Variants in ABCA1 observed in about 807,000 individuals in gnomAD.
ABCA1 encodes the protein ATP binding cassette subfamily A member 1.
Under a neutral mutation model 262.5 loss-of-function variants are expected in ABCA1, and 133 were observed. The ratio of observed to expected loss-of-function variants is 0.51; its 90% CI spans 0.44 to 0.59. ABCA1 has a LOEUF of 0.59. ABCA1 is among the 20% of genes least tolerant of loss of function. The pLI, the probability that ABCA1 is intolerant of heterozygous loss-of-function variation, is 0.00. For missense variants in ABCA1, 2,452 were observed against 2,777.5 expected, an observed-to-expected ratio of 0.88 and a Z score of 2.63; for synonymous variants, 1,022 against 1,043.5, an observed-to-expected ratio of 0.98 and a Z score of 0.40.
At chr9:104,925,449 T>C (rs1184175467) in intron 1 of ABCA1, among the ~76,000 whole-genome samples, 1 of 151,764 alleles carries the variant, frequency 6.6e-6, no homozygotes, top group African/African-American at 2.4e-5. Context: ...AGATTTCAAA[T>C]GCTCATCTGC....
chr9:104,819,635 G>A lies in ABCA1; in HGVS notation c.3192C>T (p.Asp1064=), dbSNP rs760960219. The A allele has an allele frequency of 1.9e-6, 3 of 1,614,176 alleles. No homozygotes were observed. The highest frequency in any genetic ancestry group is 1.1e-5 in the South Asian group (1 of 91,078). Residue 1064 remains aspartate, a synonymous_variant, in exon 22 of 50, where the codon GAC becomes GAT. Coordinates refer to ENST00000374736, the MANE Select transcript of ABCA1 (RefSeq NM_005502.4). The stretch of plus-strand genomic sequence containing the variant: ...CCCATATTCCCCTGCGGGAGTAAGG[G>A]TCCACACCAGCTGTGGGTTCATCCA... The part of the protein sequence containing the change: ...VILDEPTAGV[D]PYSRRGIWEL...
rs147920726 is a variant in ABCA1 at position 104,809,522 on chromosome 9, G to A, written c.4218C>T (p.Asn1406=). The A allele has an allele frequency of 5.0e-6, 8 of 1,614,212 alleles. No homozygotes were observed. The highest frequency in any genetic ancestry group is 2.2e-5 in the East Asian group (1 of 44,886). ...PEDTGTLELL[N]ALTKDPGFGT... ...CGAAGCCAGGGTCTTTGGTGAGGGC[G>A]TTTAAGAGTTCCAGGGTTCCCGTGT... The change falls in exon 30 of 50, where the codon AAC becomes AAT. Residue 1406 remains asparagine, a synonymous_variant. Transcript: ENST00000374736.
intron 2 of ABCA1, among the ~76,000 whole-genome samples, chr9:104,896,690 C>T (rs1335040614): frequency 1.4e-5 from 2 of 140,418 alleles, no homozygotes; most frequent in African/African-American, 5.3e-5. Flanking sequence ...ATGAATAACT[C>T]CAAAATTGCT....
intron 1 of ABCA1, among the ~76,000 whole-genome samples, chr9:104,906,296 C>T (rs1841128050): frequency 6.6e-6 from 1 of 152,138 alleles, no homozygotes; most frequent in Admixed American, 6.5e-5. Flanking sequence ...ATCACCTCCC[C>T]TAAACCCTGA....
intron 3 of ABCA1, among the ~76,000 whole-genome samples, chr9:104,887,796 G>A (rs902766152): frequency 1.1e-4 from 15 of 138,182 alleles, no homozygotes; most frequent in Admixed American, 4.1e-4. Flanking sequence ...GCGCAATCTC[G>A]GCTCACTGCA....
chr9:104,829,864 C>T (rs1833107693), intron 14 of ABCA1, among the ~76,000 whole-genome samples: 1 of 151,496 alleles, frequency 6.6e-6, no homozygotes, highest in Admixed American at 6.6e-5. Context: ...TATAGATAGC[C>T]ATACAAGGAA....
At chr9:104,909,892 C>T (rs1841396814) in intron 1 of ABCA1, among the ~76,000 whole-genome samples, 3 of 152,164 alleles carry the variant, frequency 2.0e-5, no homozygotes. Context: ...AACAGGAACT[C>T]CTTCCCGTGA....
chr9:104,885,501 T>G (rs554646485), intron 3 of ABCA1, among the ~76,000 whole-genome samples: 14 of 152,290 alleles, frequency 9.2e-5, no homozygotes, highest in African/African-American at 3.4e-4. Flanking sequence ...TGGGGTCTGA[T>G]GTCATCTGTG....
In ABCA1 at chr9:104,829,035, G is replaced by A. The variant is rs201599169; in HGVS notation, c.1996C>T (p.Arg666Trp). ...ATGATCCGCATGGTCTCTTTCAGCC[G>A]TGCCTCCTTCTCATACACGATGCCC... Reference protein sequence around the residue: ...IKGIVYEKEARLKETMRIMGL... With the variant: ...IKGIVYEKEAWLKETMRIMGL... The change falls in exon 15 of 50, where the codon CGG becomes TGG. Residue 666 changes from arginine (R) to tryptophan (W), a missense_variant. By Grantham distance (101) the Arg-to-Trp change is moderately radical. Transcript: ENST00000374736. 41 of 1,614,066 alleles carry A rather than the reference G, an allele frequency of 2.5e-5. No homozygotes were observed. Among genetic ancestry groups the A allele is most frequent in the Middle Eastern group, 1.6e-4 (1 of 6,084 alleles).
intron 48 of ABCA1, 104 bp from the exon 49 acceptor site, chr9:104,785,743 T>C (rs762290508): frequency 2.2e-6 from 3 of 1,389,492 alleles, no homozygotes; most frequent in Non-Finnish European, 2.0e-6. Flanking sequence ...GGGCGGCCCC[T>C]GGCAGGCCCA....
chr9:104,786,308 G>T lies in ABCA1; in HGVS notation c.6391C>A (p.Leu2131Ile). 1 of 1,613,592 alleles carries T rather than the reference G, an allele frequency of 6.2e-7. No individual in the cohort carries two copies. Among genetic ancestry groups the T allele is most frequent in the South Asian group, 1.1e-5 (1 of 91,068 alleles). ...RFRCLGSVQH[L>I]KNRFGDGYTI... is the part of the protein sequence containing the mutation. The stretch of plus-strand genomic sequence containing the variant: ...AATTATCTTTATTACCTATTTTTTA[G>T]ATGCTGGACACTGCCAAGGCACCTG... Residue 2131 changes from leucine to isoleucine, a missense_variant, in exon 48 of 50, where the codon CTA (leucine) becomes ATA (isoleucine). Transcript: ENST00000374736.
chr9:104,786,762 T>C, intron 47 of ABCA1, 111 bp downstream of exon 47: 1 of 1,027,106 alleles, frequency 9.7e-7, no homozygotes, highest in Non-Finnish European at 1.5e-6. Context: ...CAGGTAATAA[T>C]TGTTTTACTC....
At chr9:104,819,114 G>T (rs1218163659) in intron 22 of ABCA1, among the ~76,000 whole-genome samples, 3 of 152,200 alleles carry the variant, frequency 2.0e-5, no homozygotes, top group African/African-American at 7.2e-5. Flanking sequence ...CTTGCTATAT[G>T]CCAGGCATTG....
At position 104,816,186 on chromosome 9, in the gene ABCA1, A is replaced by T; in HGVS notation, c.3695T>A (p.Leu1232Gln). 1 of 1,614,188 alleles carries T rather than the reference A, an allele frequency of 6.2e-7. No homozygotes were observed. Among genetic ancestry groups the T allele is most frequent in the Non-Finnish European group, 8.5e-7 (1 of 1,180,028 alleles). The change falls in exon 25 of 50, where the codon CTG becomes CAG. Residue 1232 changes from leucine (L) to glutamine (Q), a missense_variant. By Grantham distance (113) the Leu-to-Gln change is moderately radical (BLOSUM62 -2). Coordinates refer to ENST00000374736, the MANE Select transcript of ABCA1 (RefSeq NM_005502.4). ...FHEIDDRLSD[L>Q]GISSYGISET... The stretch of plus-strand genomic sequence containing the variant: ...TGAGATGCCATAACTAGAAATGCCC[A>T]GGTCTGAGAGCCGGTCATCAATCTC...
chr9:104,872,598 A>G lies in ABCA1; in HGVS notation c.421+10441T>C, dbSNP rs765972478. On this transcript the variant is annotated intron_variant, in intron 5 of 49. Transcript: ENST00000374736. The stretch of plus-strand genomic sequence containing the variant: ...CTGCTAGTGCTGTTTGAAGCCTTCA[A>G]TGTAATAATATATGAAAAATGTAAA... Among the ~76,000 whole-genome samples the G allele has an allele frequency of 7.9e-5, 12 of 152,344 alleles. 1 individual carries two copies. The highest frequency in any genetic ancestry group is 1.0e-4 in the Non-Finnish European group (7 of 68,038).
At chr9:104,904,946 A>C (rs188696592) in intron 1 of ABCA1, among the ~76,000 whole-genome samples, 73 of 152,184 alleles carry the variant, frequency 4.8e-4, no homozygotes, top group Non-Finnish European at 9.0e-4. Context: ...GGGATACTAC[A>C]TTCTGTGTAT....
intron 14 of ABCA1, among the ~76,000 whole-genome samples, chr9:104,829,585 G>A (rs1340344505): frequency 6.6e-6 from 1 of 152,092 alleles, no homozygotes; most frequent in African/African-American, 2.4e-5. Flanking sequence ...AGCTAGAATA[G>A]AAAATGCAGA....
intron 1 of ABCA1, among the ~76,000 whole-genome samples, chr9:104,925,499 G>C (rs987998354): frequency 6.6e-6 from 1 of 152,166 alleles, no homozygotes; most frequent in South Asian, 2.1e-4. Context: ...GTTACAGTCA[G>C]ATATGTCATT....
chr9:104,910,757 T>A (rs1246850300), intron 1 of ABCA1, among the ~76,000 whole-genome samples: 1 of 152,224 alleles, frequency 6.6e-6, no homozygotes, highest in Non-Finnish European at 1.5e-5. Flanking sequence ...CAGGTTGGAG[T>A]GCAGTGGTGT....
Sources: allele counts gnomAD v4.1 joint callset (sites outside exome capture counted in the v4.1 genomes callset), GRCh38; gene constraint gnomAD v4.1.1; transcripts MANE v1.5; gene names NCBI Gene and HGNC (gene_info 2026-07-23, HGNC 2026-07-21).